The following KDM4C variants were observed in gnomAD, a reference collection of about 807,000 sequenced individuals.
KDM4C encodes lysine-specific demethylase 4C.
KDM4C carries 81 observed loss-of-function variants against 129.3 expected under a neutral mutation model. The observed-to-expected ratio is 0.63, with a 90% CI of 0.52 to 0.75. The LOEUF is 0.75. KDM4C is among the 30% of genes least tolerant of loss of function. The pLI, the probability that KDM4C is intolerant of heterozygous loss-of-function variation, is 0.00. For synonymous variants in KDM4C, 573 were observed against 456.1 expected, an observed-to-expected ratio of 1.26 and a Z score of -3.26; for missense variants, 1,457 against 1,304.0, an observed-to-expected ratio of 1.12 and a Z score of -1.81.
rs557012143 is a variant in KDM4C, at chr9:6,817,148, A to G, written c.435+2403A>G. 1.3e-3 allele frequency among the ~76,000 whole-genome samples: 193 copies of G among 151,780 alleles called. 2 individuals carry two copies. Among genetic ancestry groups the G allele is most frequent in the Admixed American group, 3.9e-3 (60 of 15,224 alleles). ...GATTTGTTTTTCAGTTACTTAAGAA[A>G]ATAAAGTTGAATGGATATAGATGAA... On this transcript the variant is annotated intron_variant, in intron 4 of 21. Transcript: ENST00000381309.
chr9:6,806,884 C>CTCCCTCTCCGTCTCCGTCTCCG, intron 3 of KDM4C, among the ~76,000 whole-genome samples: 1 of 66,368 alleles, frequency 1.5e-5, no homozygotes, highest in South Asian at 3.3e-4. Flanking sequence ...CTCCGTCTCC[C>CTCCCTCTCCGTCTCCGTCTCCG]TCTCCCTCTC....
intron 19 of KDM4C, among the ~76,000 whole-genome samples, chr9:7,143,328 C>G (rs999868632): frequency 4.6e-5 from 7 of 152,162 alleles, no homozygotes; most frequent in African/African-American, 1.7e-4. Flanking sequence ...TATTAATTGA[C>G]CAACTATTCA....
chr9:6,722,845 T>C (rs969482649), intron 1 of KDM4C, among the ~76,000 whole-genome samples: 2 of 151,904 alleles, frequency 1.3e-5, no homozygotes, highest in African/African-American at 4.8e-5. Flanking sequence ...TAGCTGGGTG[T>C]AGTGGCACAC....
At chr9:7,165,426 A>G (rs969901755) in intron 20 of KDM4C, 69 bp downstream of exon 20, 2 of 1,537,572 alleles carry the variant, frequency 1.3e-6, no homozygotes, top group East Asian at 2.3e-5. Context: ...TAGTATCTCA[A>G]GTGTGCTGCT....
At chr9:6,898,591 C>T (rs550616295) in intron 8 of KDM4C, among the ~76,000 whole-genome samples, 125 of 152,262 alleles carry the variant, frequency 8.2e-4, no homozygotes, top group African/African-American at 3.0e-3. Context: ...AATTTTAAGA[C>T]ATTTTGATAC....
chr9:6,856,926 T>A (rs1839967322), intron 5 of KDM4C, among the ~76,000 whole-genome samples: 1 of 151,788 alleles, frequency 6.6e-6, no homozygotes, highest in East Asian at 1.9e-4. Flanking sequence ...CCCGGCTAAT[T>A]TTTTGTATTT....
At chr9:6,854,667 A>G (rs750104817) in intron 5 of KDM4C, among the ~76,000 whole-genome samples, 1 of 152,206 alleles carries the variant, frequency 6.6e-6, no homozygotes, top group Non-Finnish European at 1.5e-5. Context: ...AGGTTTTTAG[A>G]AAATTAAGAA....
chr9:6,892,570 T>C (rs1846251703), intron 7 of KDM4C, among the ~76,000 whole-genome samples: 2 of 152,180 alleles, frequency 1.3e-5, no homozygotes, highest in African/African-American at 2.4e-5. Flanking sequence ...TACTGTGAAA[T>C]GGACTGTGCT....
chr9:7,099,567 T>C (rs958231030), intron 17 of KDM4C, among the ~76,000 whole-genome samples: 1 of 152,260 alleles, frequency 6.6e-6, no homozygotes, highest in African/African-American at 2.4e-5. Flanking sequence ...TCCCTTGTAC[T>C]AGAAGCTGTC....
chr9:6,730,593 C>T (rs923260269), intron 1 of KDM4C, among the ~76,000 whole-genome samples: 13 of 147,970 alleles, frequency 8.8e-5, no homozygotes, highest in Admixed American at 4.1e-4. Flanking sequence ...CCAGCCTGGG[C>T]GACAGAGCGA....
intron 1 of KDM4C, among the ~76,000 whole-genome samples, chr9:6,784,173 G>C (rs2130792358): frequency 6.6e-6 from 1 of 152,208 alleles, no homozygotes; most frequent in East Asian, 1.9e-4. Context: ...CAGTTGGTTA[G>C]GTAATGTTAC....
chr9:7,013,383 T>A (rs949942164), intron 13 of KDM4C, among the ~76,000 whole-genome samples: 2 of 152,218 alleles, frequency 1.3e-5, no homozygotes, highest in Non-Finnish European at 2.9e-5. Context: ...CTCTTAATAC[T>A]GCTGCACAGA....
At position 6,949,741 on chromosome 9, in the gene KDM4C, C is replaced by G. The variant is rs1410165484; in HGVS notation, c.922-31184C>G. Reference sequence around the variant, plus strand: ...CCTGCAATCGCAGGCACTCAGCAGGCTGAGGCAGGAGAATCAGGCAGGGAG... The same window carrying G: ...CCTGCAATCGCAGGCACTCAGCAGGGTGAGGCAGGAGAATCAGGCAGGGAG... On this transcript the variant is annotated intron_variant, in intron 8 of 21. Coordinates refer to ENST00000381309, the MANE Select transcript of KDM4C (RefSeq NM_015061.6). 5.9e-5 allele frequency among the ~76,000 whole-genome samples: 9 copies of G among 152,338 alleles called. No individual in the cohort carries two copies. In the East Asian group the frequency reaches 7.7e-4, roughly 13 times the overall value.
intron 14 of KDM4C, 89 bp downstream of exon 14, chr9:7,014,090 T>G: frequency 8.5e-6 from 8 of 937,648 alleles, no homozygotes; most frequent in Non-Finnish European, 1.3e-5. Context: ...GTCAGATCTG[T>G]TGCATGGACT....
chr9:6,785,289 C>T (rs895966304), intron 1 of KDM4C, among the ~76,000 whole-genome samples: 1 of 151,550 alleles, frequency 6.6e-6, no homozygotes, highest in African/African-American at 2.4e-5. Context: ...CTAGTCCCTG[C>T]CTCCATCTTC....
chr9:6,868,599 G>C (rs934935446), intron 5 of KDM4C, among the ~76,000 whole-genome samples: 5 of 152,156 alleles, frequency 3.3e-5, no homozygotes, highest in African/African-American at 1.2e-4. Context: ...CTAATACAAT[G>C]TTAATGCTAT....
chr9:6,957,695 G>C (rs887583973), intron 8 of KDM4C, among the ~76,000 whole-genome samples: 5 of 152,104 alleles, frequency 3.3e-5, no homozygotes, highest in African/African-American at 9.7e-5. Flanking sequence ...GTGGGTCTGG[G>C]TGTTCATGTT....
chr9:6,762,578 A>G (rs1220829394), intron 1 of KDM4C, among the ~76,000 whole-genome samples: 1 of 149,702 alleles, frequency 6.7e-6, no homozygotes, highest in Non-Finnish European at 1.5e-5. Context: ...AGCCTAAAAT[A>G]TAATTTTATA....
chr9:6,781,694 A>ATTTT, intron 1 of KDM4C, among the ~76,000 whole-genome samples: 1 of 152,182 alleles, frequency 6.6e-6, no homozygotes, highest in Non-Finnish European at 1.5e-5. Flanking sequence ...CTGAAACAAG[A>ATTTT]AAGCCTTTGT....
Sources: allele counts gnomAD v4.1 joint callset (sites outside exome capture counted in the v4.1 genomes callset), GRCh38; gene constraint gnomAD v4.1.1; transcripts MANE v1.5; gene names NCBI Gene and HGNC (gene_info 2026-07-23, HGNC 2026-07-21).